STAU2: variants seen among roughly 807,000 people sequenced by gnomAD.
STAU2 encodes staufen double-stranded RNA binding protein 2.
Under a neutral mutation model 65.9 loss-of-function variants are expected in STAU2, and 20 were observed. The ratio of observed to expected loss-of-function variants is 0.30; its 90% CI spans 0.21 to 0.44. The LOEUF (loss-of-function observed/expected upper bound fraction) is 0.44. Ranked by LOEUF, STAU2 falls within the 20% of genes least tolerant of loss-of-function variation. The pLI is 1.00. For missense variants in STAU2, 558 were observed against 683.9 expected (o/e 0.82, Z 2.05); for synonymous variants, 232 against 233.9 (o/e 0.99, Z 0.07).
intron 6 of STAU2, among the ~76,000 whole-genome samples, chr8:73,648,222 G>A (rs999124743): frequency 6.6e-6 from 1 of 152,110 alleles, no homozygotes; most frequent in Non-Finnish European, 1.5e-5. Context: ...ATCATTCCTA[G>A]TATTTTCTTG....
chr8:73,435,720 A>C (rs1817635798), intron 13 of STAU2, among the ~76,000 whole-genome samples: 1 of 151,950 alleles, frequency 6.6e-6, no homozygotes, highest in African/African-American at 2.4e-5. Context: ...TGAGATCTCA[A>C]TCTTCTCTCA....
At chr8:73,466,715 C>A (rs1023214364) in intron 13 of STAU2, among the ~76,000 whole-genome samples, 2 of 152,228 alleles carry the variant, frequency 1.3e-5, no homozygotes, top group African/African-American at 2.4e-5. Context: ...TCCCTTACAG[C>A]CCTCATCAAC....
intron 13 of STAU2, among the ~76,000 whole-genome samples, chr8:73,434,452 T>C (rs753756105): frequency 6.6e-6 from 1 of 151,854 alleles, no homozygotes; most frequent in East Asian, 1.9e-4. Flanking sequence ...AGAAAATGAA[T>C]ACACTCTCCC....
At chr8:73,571,424 C>A (rs1027405747) in intron 12 of STAU2, among the ~76,000 whole-genome samples, 3 of 152,168 alleles carry the variant, frequency 2.0e-5, no homozygotes, top group African/African-American at 4.8e-5. Flanking sequence ...AACTCTCCAC[C>A]CCAAATCAAC....
At position 73,508,616 on chromosome 8, in the gene STAU2, T is replaced by C. The variant is rs369777395; in HGVS notation, c.1530+43396A>G. Among the ~76,000 whole-genome samples, 93 of 152,332 alleles carry C rather than the reference T, an allele frequency of 6.1e-4. No homozygotes were observed. In the South Asian group the frequency reaches 0.018, roughly 30 times the overall value. ...GCACATGTTGTTGGAAAAATGGTGC[T>C]GATAGACGCTCGACATAGGGTTGTC... On this transcript the variant is annotated intron_variant, in intron 13 of 14. Coordinates refer to ENST00000524300, the MANE Select transcript of STAU2 (RefSeq NM_001164380.2).
At chr8:73,651,207 G>C in intron 6 of STAU2, 3 of 893,644 alleles carry the variant, frequency 3.4e-6, no homozygotes, top group Non-Finnish European at 3.5e-6. Flanking sequence ...GCATCAAGGA[G>C]GCTAGGTCCT....
At chr8:73,438,057 A>T (rs1817845277) in intron 13 of STAU2, among the ~76,000 whole-genome samples, 1 of 152,136 alleles carries the variant, frequency 6.6e-6, no homozygotes, top group South Asian at 2.1e-4. Flanking sequence ...CTGGCTGCTC[A>T]TCAGCTCCAG....
chr8:73,551,437 T>C, intron 13 of STAU2: 3 of 987,330 alleles, frequency 3.0e-6, no homozygotes, highest in South Asian at 4.7e-5. Flanking sequence ...CAAATACACA[T>C]TGTTATGCCT....
intron 13 of STAU2, among the ~76,000 whole-genome samples, chr8:73,451,052 C>CTGA (rs1818773659): frequency 6.6e-6 from 1 of 152,150 alleles, no homozygotes; most frequent in Non-Finnish European, 1.5e-5. Flanking sequence ...TATCCGTGTG[C>CTGA]TGATCCACAC....
At chr8:73,559,022 GAAC>G (rs1807995379) in intron 12 of STAU2, among the ~76,000 whole-genome samples, 1 of 152,128 alleles carries the variant, frequency 6.6e-6, no homozygotes, top group African/African-American at 2.4e-5. Flanking sequence ...AGAAAATTAT[GAAC>G]AACAGCATGA....
At chr8:73,476,598 A>C (rs1302890174) in intron 13 of STAU2, among the ~76,000 whole-genome samples, 1 of 152,230 alleles carries the variant, frequency 6.6e-6, no homozygotes, top group South Asian at 2.1e-4. Context: ...GATTCAGTAC[A>C]CTTCTAAGAA....
At chr8:73,448,111 G>T (rs1044672384) in intron 13 of STAU2, among the ~76,000 whole-genome samples, 6 of 152,248 alleles carry the variant, frequency 3.9e-5, no homozygotes, top group African/African-American at 1.4e-4. Flanking sequence ...AGGACCCTAG[G>T]CAAAATCCTA....
chr8:73,566,313 T>C (rs1259491966), intron 12 of STAU2, among the ~76,000 whole-genome samples: 2 of 152,216 alleles, frequency 1.3e-5, no homozygotes, highest in Non-Finnish European at 2.9e-5. Flanking sequence ...AATCAAGTAA[T>C]GTAGATGGCT....
intron 3 of STAU2, among the ~76,000 whole-genome samples, chr8:73,728,815 G>A (rs540161250): frequency 3.1e-4 from 47 of 152,238 alleles, no homozygotes; most frequent in African/African-American, 1.1e-3. Flanking sequence ...TTTAGTGGAG[G>A]TTTTTCTGGA....
rs207469350 is a variant in STAU2, at chr8:73,618,316, C to T, written c.411-865G>A. 1.3e-5 allele frequency among the ~76,000 whole-genome samples: 2 copies of T among 152,064 alleles called. 1 individual carries two copies. Reference sequence around the variant, plus strand: ...GGGAGGTAGGTTTTAGATAGGGTGGCCAAGAGAAGTTTCATTGAGAAAATA... The same window carrying T: ...GGGAGGTAGGTTTTAGATAGGGTGGTCAAGAGAAGTTTCATTGAGAAAATA... On this transcript the variant is annotated intron_variant, in intron 6 of 14. Coordinates refer to ENST00000524300, the MANE Select transcript of STAU2 (RefSeq NM_001164380.2).
chr8:73,454,666 T>C (rs1818968371), intron 13 of STAU2, among the ~76,000 whole-genome samples: 1 of 152,234 alleles, frequency 6.6e-6, no homozygotes, highest in Non-Finnish European at 1.5e-5. Flanking sequence ...CAGACCATGA[T>C]GACATCTTCC....
chr8:73,692,195 T>C (rs1472374847), intron 4 of STAU2, among the ~76,000 whole-genome samples: 1 of 150,204 alleles, frequency 6.7e-6, no homozygotes, highest in East Asian at 2.0e-4. Context: ...TCCTACGTAC[T>C]TCTTTTTTTT....
chr8:73,612,228 T>G (rs1188581739), intron 9 of STAU2, among the ~76,000 whole-genome samples: 1 of 152,240 alleles, frequency 6.6e-6, no homozygotes, highest in East Asian at 1.9e-4. Flanking sequence ...ATGTGTTATT[T>G]ATTATAGTAT....
intron 6 of STAU2, among the ~76,000 whole-genome samples, chr8:73,617,847 G>C (rs1812945510): frequency 6.6e-6 from 1 of 151,994 alleles, no homozygotes; most frequent in Non-Finnish European, 1.5e-5. Context: ...TTTTGCAGAA[G>C]ATAATTACGA....
Sources: gnomAD v4.1 joint callset for allele counts (sites outside exome capture counted in the v4.1 genomes callset) on GRCh38, gnomAD v4.1.1 for gene constraint, MANE v1.5 for transcripts, NCBI Gene and HGNC (gene_info 2026-07-23, HGNC 2026-07-21) for gene names.